Variants in CCDC178 observed in about 807,000 individuals in gnomAD.
The protein encoded by CCDC178 is coiled-coil domain-containing protein 178.
A neutral mutation model predicts 117.4 loss-of-function variants in CCDC178; 126 were observed. The observed-to-expected ratio is 1.07, with a 90% CI of 0.93 to 1.24. CCDC178 has a LOEUF of 1.24. Ranked by LOEUF, CCDC178 falls within the 50% of genes most tolerant of loss-of-function variation. The pLI is 0.00. For missense variants in CCDC178, 1,030 were observed against 986.9 expected, an observed-to-expected ratio of 1.04 and a Z score of -0.59; for synonymous variants, 283 against 313.4, an observed-to-expected ratio of 0.90 and a Z score of 1.02.
chr18:32,969,339 C>T (rs1246923283), intron 22 of CCDC178, among the ~76,000 whole-genome samples: 1 of 151,972 alleles, frequency 6.6e-6, no homozygotes, highest in African/African-American at 2.4e-5. Flanking sequence ...CCATTTGCTT[C>T]CCCTCAATCA....
At chr18:33,333,432 T>A (rs2062698834) in intron 9 of CCDC178, 38 bp from the exon 10 acceptor site, 2 of 1,037,136 alleles carry the variant, frequency 1.9e-6, no homozygotes, top group Admixed American at 2.4e-5. Flanking sequence ...AAAATCTGAT[T>A]GGAGGAAATA....
intron 14 of CCDC178, among the ~76,000 whole-genome samples, chr18:33,262,133 G>T (rs994536479): frequency 6.6e-6 from 1 of 152,018 alleles, no homozygotes; most frequent in African/African-American, 2.4e-5. Context: ...ATGGCCAATT[G>T]TTATAATTTT....
chr18:33,009,418 C>A (rs1469946290), intron 21 of CCDC178, among the ~76,000 whole-genome samples: 1 of 152,114 alleles, frequency 6.6e-6, no homozygotes, highest in South Asian at 2.1e-4. Context: ...TCCCCTTTCT[C>A]TCTTTTACAC....
chr18:33,128,951 C>T (rs566691739), intron 20 of CCDC178, among the ~76,000 whole-genome samples: 8 of 152,090 alleles, frequency 5.3e-5, no homozygotes, highest in Admixed American at 1.3e-4. Flanking sequence ...ACACAACTGC[C>T]GTAAACAACT....
chr18:33,055,041 AT>A (rs2056806805), intron 21 of CCDC178, among the ~76,000 whole-genome samples: 1 of 152,054 alleles, frequency 6.6e-6, no homozygotes, highest in South Asian at 2.1e-4. Context: ...GATGTCGAGC[AT>A]TTTTTCATGT....
rs182293754 is a variant in CCDC178, at chr18:33,245,115, A to G, written c.1593+130T>C. 4.6e-4 allele frequency: 401 copies of G among 862,694 alleles called. 2 individuals are homozygous for G. The African/African-American group carries it at 6.5e-3, about 14-fold the overall frequency. 53.4% of individuals were successfully genotyped at this position (862,694 alleles called of 1,614,324 possible). ...GAGAGAGGTGGTTTTCTTCTCATTT[A>G]TAAGAAGTGAGTTTTTGAAAAGACT... On this transcript the variant is annotated intron_variant, in intron 15 of 22. Transcript: ENST00000383096.
At chr18:33,336,134 T>C (rs771529546) in intron 9 of CCDC178, among the ~76,000 whole-genome samples, 4 of 152,134 alleles carry the variant, frequency 2.6e-5, no homozygotes, top group South Asian at 4.1e-4. Context: ...TCAGGAAGCA[T>C]TGTTTTCTTC....
At chr18:33,433,865 T>G (rs2064253523) in intron 2 of CCDC178, among the ~76,000 whole-genome samples, 1 of 152,104 alleles carries the variant, frequency 6.6e-6, no homozygotes, top group Admixed American at 6.6e-5. Context: ...GATATCACTC[T>G]GGATTTATCA....
At chr18:33,308,166 G>C (rs1234867679) in intron 11 of CCDC178, among the ~76,000 whole-genome samples, 3 of 152,218 alleles carry the variant, frequency 2.0e-5, no homozygotes, top group Admixed American at 6.5e-5. Flanking sequence ...GCCCATGAAA[G>C]CAGGCTGGAT....
At chr18:33,321,593 A>G (rs879468005) in intron 11 of CCDC178, among the ~76,000 whole-genome samples, 1 of 152,096 alleles carries the variant, frequency 6.6e-6, no homozygotes, top group Admixed American at 6.6e-5. Context: ...TGTCAGCAGG[A>G]TAACAGTATC....
chr18:33,293,566 G>T (rs968689397), intron 11 of CCDC178, among the ~76,000 whole-genome samples: 2 of 152,106 alleles, frequency 1.3e-5, no homozygotes, highest in African/African-American at 4.8e-5. Context: ...TTAGTAGGCG[G>T]AGATGGGAGG....
intron 20 of CCDC178, among the ~76,000 whole-genome samples, chr18:33,097,559 G>A (rs1239312804): frequency 6.6e-6 from 1 of 152,116 alleles, no homozygotes; most frequent in Non-Finnish European, 1.5e-5. Context: ...ACAGCTATTA[G>A]GCAGTGAAGC....
chr18:33,419,218 G>A (rs961007167), intron 2 of CCDC178, among the ~76,000 whole-genome samples: 1 of 151,948 alleles, frequency 6.6e-6, no homozygotes, highest in African/African-American at 2.4e-5. Flanking sequence ...AAATAGTACT[G>A]GGATAACTGG....
Position 33,054,886 on chromosome 18 carries a change from C to A in CCDC178, c.2388+37875G>T, listed in dbSNP as rs2056803399. ...TAGTTGAACAAATTTATACTCCTAC[C>A]AACAGTGTGAAAGTGTTGCTTTTAC... On this transcript the variant is annotated intron_variant, in intron 21 of 22. Coordinates refer to ENST00000383096, the MANE Select transcript of CCDC178 (RefSeq NM_001105528.4). Among the ~76,000 whole-genome samples the A allele has an allele frequency of 5.3e-5, 8 of 152,262 alleles. No homozygotes were observed. In the South Asian group the frequency reaches 1.7e-3, roughly 32 times the overall value.
At chr18:33,287,754 G>A (rs1483293767) in intron 12 of CCDC178, among the ~76,000 whole-genome samples, 1 of 151,908 alleles carries the variant, frequency 6.6e-6, no homozygotes, top group Non-Finnish European at 1.5e-5. Flanking sequence ...ATTCCAGCCT[G>A]GGCAACAGAG....
chr18:33,241,708 A>G (rs926345636), intron 15 of CCDC178, among the ~76,000 whole-genome samples: 9 of 151,954 alleles, frequency 5.9e-5, no homozygotes, highest in Admixed American at 2.0e-4. Flanking sequence ...TTGATAAAAG[A>G]AATTGAAGTG....
chr18:33,212,479 T>C (rs1461771942), intron 19 of CCDC178, among the ~76,000 whole-genome samples: 1 of 152,016 alleles, frequency 6.6e-6, no homozygotes, highest in Non-Finnish European at 1.5e-5. Flanking sequence ...TTACACATCA[T>C]GCTTTCAAGG....
chr18:32,939,576 T>A (rs989029007), intron 22 of CCDC178, among the ~76,000 whole-genome samples: 2 of 152,154 alleles, frequency 1.3e-5, no homozygotes, highest in African/African-American at 4.8e-5. Flanking sequence ...AAGAGAACCA[T>A]GTTTTAGTAT....
chr18:33,285,677 A>G (rs920184092), intron 12 of CCDC178, among the ~76,000 whole-genome samples: 1 of 152,154 alleles, frequency 6.6e-6, no homozygotes, highest in Non-Finnish European at 1.5e-5. Context: ...ATATAAATAT[A>G]ATACATCACC....
Sources: gnomAD v4.1 joint callset for allele counts (sites outside exome capture counted in the v4.1 genomes callset) on GRCh38, gnomAD v4.1.1 for gene constraint, MANE v1.5 for transcripts, NCBI Gene and HGNC (gene_info 2026-07-23, HGNC 2026-07-21) for gene names.